PLXDC1: variants seen among roughly 807,000 people sequenced by gnomAD.
PLXDC1 encodes plexin domain-containing protein 1.
PLXDC1 carries 39 observed loss-of-function variants against 61.3 expected under a neutral mutation model. The observed-to-expected ratio is 0.64, with a 90% CI of 0.49 to 0.83. PLXDC1 has a LOEUF of 0.83. Among genes scored for constraint, PLXDC1 ranks in the 40% least tolerant of loss-of-function variants. PLXDC1 has a pLI of 0.00. For synonymous variants in PLXDC1, 212 were observed against 254.5 expected, an observed-to-expected ratio of 0.83 and a Z score of 1.59; for missense variants, 596 against 666.5, an observed-to-expected ratio of 0.89 and a Z score of 1.17.
rs781366855 is a variant in PLXDC1, at chr17:39,078,041, C to T, written c.1058G>A (p.Gly353Asp). 103 of 1,605,902 alleles carry T rather than the reference C, an allele frequency of 6.4e-5. No individual in the cohort carries two copies. Among genetic ancestry groups the T allele is most frequent in the Non-Finnish European group, 8.2e-5 (97 of 1,175,950 alleles). ...MDYGCAQEAE[G>D]RMCEDFQDED... The stretch of plus-strand genomic sequence containing the variant: ...ATCCTGGAAGTCCTCGCACATCCTG[C>T]CCTCTGCCTGCAGGAGAGAGCCAGT... The change falls in exon 11 of 14, where the codon GGC becomes GAC. Residue 353 changes from glycine to aspartate, a missense_variant. Physicochemically the swap from Gly to Asp is moderately conservative, Grantham distance 94. Coordinates refer to ENST00000315392, the MANE Select transcript of PLXDC1 (RefSeq NM_020405.5).
At chr17:39,089,690 A>G (rs1909875287) in intron 7 of PLXDC1, among the ~76,000 whole-genome samples, 1 of 152,202 alleles carries the variant, frequency 6.6e-6, no homozygotes, top group African/African-American at 2.4e-5. Context: ...GAGTAGGGGC[A>G]TCCACAAAGG....
At position 39,107,387 on chromosome 17, in the gene PLXDC1, C is replaced by T; in HGVS notation, c.711+20G>A. 1 of 1,402,680 alleles carries T rather than the reference C, an allele frequency of 7.1e-7. No homozygotes were observed. Among genetic ancestry groups the T allele is most frequent in the Non-Finnish European group, 1.0e-6 (1 of 1,004,392 alleles). The allele number at this position is 1,402,680 out of a possible 1,614,324, so 86.9% of individuals were successfully genotyped here. A position where few individuals can be genotyped will look rare whatever the true frequency, so the allele number is the denominator to read the frequency against. ...GAAAGGCTCCAAGACCCAGCTGTCTCTGCAGCTGGGCCCACTCACCTCTTT... is the reference window on the plus strand; with the variant it reads ...GAAAGGCTCCAAGACCCAGCTGTCTTTGCAGCTGGGCCCACTCACCTCTTT... On this transcript the variant is annotated intron_variant, in intron 6 of 13. Coordinates refer to ENST00000315392, the MANE Select transcript of PLXDC1 (RefSeq NM_020405.5).
intron 2 of PLXDC1, among the ~76,000 whole-genome samples, chr17:39,133,180 G>C: frequency 6.6e-6 from 1 of 152,134 alleles, no homozygotes; most frequent in South Asian, 2.1e-4. Context: ...TCTCCAGGTT[G>C]GGGGTGGGCA....
intron 2 of PLXDC1, among the ~76,000 whole-genome samples, chr17:39,133,416 T>C (rs891684749): frequency 1.3e-5 from 2 of 152,158 alleles, no homozygotes; most frequent in African/African-American, 2.4e-5. Context: ...TAGAGGCTCC[T>C]GTGTCCAGTG....
At chr17:39,079,398 GT>G (rs1298021757) in intron 9 of PLXDC1, 2 of 581,078 alleles carry the variant, frequency 3.4e-6, no homozygotes, top group Non-Finnish European at 6.5e-6. Flanking sequence ...GCCCATGTGA[GT>G]AGGTGTAGGG....
intron 2 of PLXDC1, among the ~76,000 whole-genome samples, chr17:39,114,612 G>C (rs1425838841): frequency 1.3e-5 from 2 of 152,204 alleles, no homozygotes; most frequent in African/African-American, 4.8e-5. Context: ...GTGTTCAATG[G>C]AGGATTTGTT....
chr17:39,151,848 A>G (rs990042704), upstream of PLXDC1, among the ~76,000 whole-genome samples: 2 of 152,120 alleles, frequency 1.3e-5, no homozygotes, highest in African/African-American at 4.8e-5. This position sits in a 1 kb window ranked among gnomAD's most constrained non-coding sequence, Gnocchi z 5.2. Context: ...GAGAACCCCT[A>G]GAAGCATCAG....
At chr17:39,118,878 C>T (rs1911074359) in intron 2 of PLXDC1, among the ~76,000 whole-genome samples, 1 of 152,102 alleles carries the variant, frequency 6.6e-6, no homozygotes, top group South Asian at 2.1e-4. Context: ...GTTGAAAGAT[C>T]TTGGAGACTT....
Position 39,064,828 on chromosome 17 carries a change from T to G in PLXDC1, c.*3012A>C, listed in dbSNP as rs914439214. The stretch of plus-strand genomic sequence containing the variant: ...AGAAAAAGGACAGTGCAGCAAAGAG[T>G]TGGGTTCCTTTCAAGCTTCTAAAGG... On this transcript the variant is annotated 3_prime_UTR_variant, in exon 14 of 14. Coordinates refer to ENST00000315392, the MANE Select transcript of PLXDC1 (RefSeq NM_020405.5). 1 of 151,454 alleles carries G rather than the reference T, an allele frequency of 6.6e-6. No individual in the cohort carries two copies. Among genetic ancestry groups the G allele is most frequent in the Non-Finnish European group, 1.5e-5 (1 of 67,838 alleles). The allele number at this position is 151,454 out of a possible 1,614,324, so 9.4% of individuals were successfully genotyped here. A position where few individuals can be genotyped will look rare whatever the true frequency, so the allele number is the denominator to read the frequency against.
intron 5 of PLXDC1, chr17:39,107,835 G>A: frequency 1.8e-6 from 1 of 566,884 alleles, no homozygotes; most frequent in Non-Finnish European, 3.2e-6. Flanking sequence ...ATTCAGACGG[G>A]GCTCAAGGGA....
Position 39,109,315 on chromosome 17 carries a change from A to G in PLXDC1, c.332T>C (p.Val111Ala). 2 of 1,612,270 alleles carry G rather than the reference A, an allele frequency of 1.2e-6. No individual in the cohort carries two copies. Among genetic ancestry groups the G allele is most frequent in the Non-Finnish European group, 1.7e-6 (2 of 1,179,574 alleles). Residue 111 changes from valine (V) to alanine (A), a missense_variant, in exon 3 of 14, where the codon GTG becomes GCG. Val to Ala is a moderately conservative substitution (Grantham distance 64, BLOSUM62 0). Coordinates refer to ENST00000315392, the MANE Select transcript of PLXDC1 (RefSeq NM_020405.5). ...CACTTGGCTCCGGTTGGCCTCGGCC[A>G]CATCTACCCACAGTTCCCGGCTGTG... ...EPHSRELWVDVAEANRSQVKI... is the reference protein window; with the variant it reads ...EPHSRELWVDAAEANRSQVKI...
intron 7 of PLXDC1, among the ~76,000 whole-genome samples, chr17:39,092,909 C>T (rs930274058): frequency 6.6e-6 from 1 of 152,112 alleles, no homozygotes; most frequent in Non-Finnish European, 1.5e-5. Context: ...CTTCCAGCTA[C>T]CCTTTCAAAA....
At chr17:39,090,293 A>G (rs967919147) in intron 7 of PLXDC1, among the ~76,000 whole-genome samples, 2 of 152,094 alleles carry the variant, frequency 1.3e-5, no homozygotes, top group African/African-American at 4.8e-5. Flanking sequence ...CTACTCTGGC[A>G]TTGGTGTCAA....
intron 13 of PLXDC1, among the ~76,000 whole-genome samples, chr17:39,069,407 A>G (rs1047674368): frequency 1.3e-5 from 2 of 152,084 alleles, no homozygotes; most frequent in African/African-American, 4.8e-5. Context: ...CTGCCCCTCA[A>G]TTTTAGCCTT....
chr17:39,073,200 A>C (rs941027881), intron 11 of PLXDC1: 3 of 152,100 alleles, frequency 2.0e-5, no homozygotes, highest in African/African-American at 7.2e-5. Flanking sequence ...CTAATTAAAA[A>C]AGATTTTTTT....
chr17:39,152,757 G>A (rs531152440), upstream of PLXDC1: 4 of 983,562 alleles, frequency 4.1e-6, no homozygotes, highest in East Asian at 3.3e-5. Context: ...GACGGATTCC[G>A]TGGCACTGAG....
chr17:39,152,544 A>C, upstream of PLXDC1: 1 of 1,245,256 alleles, frequency 8.0e-7, no homozygotes, highest in Non-Finnish European at 1.0e-6. Flanking sequence ...CCCCTGACCT[A>C]CTTCGTTCTT....
At chr17:39,068,999 C>T (rs1909006110) in intron 13 of PLXDC1, among the ~76,000 whole-genome samples, 1 of 152,236 alleles carries the variant, frequency 6.6e-6, no homozygotes, top group Non-Finnish European at 1.5e-5. Context: ...CCTCACATCC[C>T]ATGCTGCCCC....
intron 9 of PLXDC1, chr17:39,080,969 T>A (rs1909534893): frequency 6.5e-6 from 1 of 152,910 alleles, no homozygotes; most frequent in South Asian, 2.1e-4. Flanking sequence ...GCAGTTCTCA[T>A]GGCTCAGCGC....
Sources: allele counts gnomAD v4.1 joint callset (sites outside exome capture counted in the v4.1 genomes callset), GRCh38; gene constraint gnomAD v4.1.1; non-coding constraint Gnocchi (gnomAD v3.1); transcripts MANE v1.5; gene names NCBI Gene and HGNC (gene_info 2026-07-23, HGNC 2026-07-21).